The following PTPRC variants were observed in gnomAD, a reference collection of about 807,000 sequenced individuals.
PTPRC encodes the protein protein tyrosine phosphatase receptor type C.
In PTPRC, 44 loss-of-function variants were observed where a neutral mutation model predicts 155.9. The ratio of observed to expected loss-of-function variants is 0.28; its 90% confidence interval spans 0.22 to 0.36. PTPRC has a LOEUF of 0.36. Among genes scored for constraint, PTPRC ranks in the 10% least tolerant of loss-of-function variants. The pLI is 1.00. For missense variants in PTPRC, 1,401 were observed against 1,564.6 expected (o/e 0.90, Z 1.76); for synonymous variants, 525 against 533.1 (o/e 0.98, Z 0.21).
chr1:198,661,123 G>A (rs1663937402), intron 2 of PTPRC, among the ~76,000 whole-genome samples: 1 of 151,986 alleles, frequency 6.6e-6, no homozygotes, highest in South Asian at 2.1e-4. Context: ...GAAATTTGTG[G>A]TTTCAAAATC....
intron 2 of PTPRC, among the ~76,000 whole-genome samples, chr1:198,664,977 A>T (rs997667062): frequency 1.2e-4 from 18 of 152,102 alleles, no homozygotes; most frequent in African/African-American, 4.1e-4. Flanking sequence ...CGGGACTACC[A>T]TGAAAAATCC....
At chr1:198,658,367 G>A (rs540852094) in intron 2 of PTPRC, among the ~76,000 whole-genome samples, 2 of 152,204 alleles carry the variant, frequency 1.3e-5, no homozygotes, top group African/African-American at 4.8e-5. Flanking sequence ...AAAATATTGA[G>A]CCTGAGTATT....
chr1:198,671,224 A>G (rs1028860563), intron 2 of PTPRC, among the ~76,000 whole-genome samples: 3 of 152,018 alleles, frequency 2.0e-5, no homozygotes, highest in African/African-American at 7.2e-5. Context: ...AACAACTTCC[A>G]TGCATACACC....
At chr1:198,680,986 C>A (rs148647329) in intron 2 of PTPRC, among the ~76,000 whole-genome samples, 67 of 152,146 alleles carry the variant, frequency 4.4e-4, no homozygotes, top group African/African-American at 1.6e-3. Flanking sequence ...CTTTATAAAA[C>A]AAGAATAATA....
intron 2 of PTPRC, among the ~76,000 whole-genome samples, chr1:198,661,395 G>T (rs1007835696): frequency 1.3e-5 from 2 of 150,776 alleles, no homozygotes; most frequent in African/African-American, 2.4e-5. Flanking sequence ...ATAAAACAAA[G>T]ATTTAATAGG....
chr1:198,751,637 G>A (rs974771630), intron 29 of PTPRC, among the ~76,000 whole-genome samples: 5 of 152,036 alleles, frequency 3.3e-5, no homozygotes, highest in East Asian at 1.9e-4. Context: ...TGGAAGTACC[G>A]GCAGGACTCC....
intron 5 of PTPRC, 76 bp downstream of exon 5, chr1:198,699,780 A>T (rs1422168659): frequency 4.4e-6 from 7 of 1,574,628 alleles, no homozygotes; most frequent in Non-Finnish European, 6.1e-6. Flanking sequence ...GGTGTGAGGA[A>T]ATCTAACCAC....
intron 2 of PTPRC, among the ~76,000 whole-genome samples, chr1:198,646,750 C>T (rs1029285835): frequency 1.3e-5 from 2 of 151,846 alleles, no homozygotes; most frequent in African/African-American, 4.8e-5. Context: ...AATTCTCATT[C>T]ATTTGTATGG....
At chr1:198,746,786 GC>G (rs1655153814) in intron 26 of PTPRC, among the ~76,000 whole-genome samples, 1 of 151,792 alleles carries the variant, frequency 6.6e-6, no homozygotes, top group South Asian at 2.1e-4. Context: ...GGCATAGGCT[GC>G]CTCGGTGACT....
At position 198,731,955 on chromosome 1, in the gene PTPRC, T is replaced by C. The variant is rs538916508; in HGVS notation, c.1974+229T>C. On this transcript the variant is annotated intron_variant, in intron 18 of 32. Coordinates refer to ENST00000442510, the MANE Select transcript of PTPRC (RefSeq NM_002838.5). ...TTTAATGTAGTGCTTTATTGTATTATGAAGTTGTGTCACAAAATGTATTTG... is the reference window on the plus strand; with the variant it reads ...TTTAATGTAGTGCTTTATTGTATTACGAAGTTGTGTCACAAAATGTATTTG... Among the ~76,000 whole-genome samples, 8 of 152,092 alleles carry C rather than the reference T, an allele frequency of 5.3e-5. No individual in the cohort carries two copies. In the East Asian group the frequency reaches 7.7e-4, roughly 15 times the overall value.
At position 198,703,337 on chromosome 1, in the gene PTPRC, C is replaced by G. The variant is rs1666555337; in HGVS notation, c.623C>G (p.Pro208Arg). The G allele has an allele frequency of 6.2e-7, 1 of 1,613,108 alleles. No individual in the cohort carries two copies. The highest frequency in any genetic ancestry group is 1.3e-5 in the African/African-American group (1 of 74,872). The change falls in exon 7 of 33, where the codon CCT (proline) becomes CGT (arginine). Residue 208 changes from proline to arginine, a missense_variant. By Grantham distance (103) the Pro-to-Arg change is moderately radical (BLOSUM62 -2). Coordinates refer to ENST00000442510, the MANE Select transcript of PTPRC (RefSeq NM_002838.5). ...GCCTCTGAAACAACCACTCTGAGCC[C>G]TTCTGGAAGCGCTGTCATTTCAACC... ...LNASETTTLS[P>R]SGSAVISTTT...
intron 2 of PTPRC, among the ~76,000 whole-genome samples, chr1:198,649,357 G>A (rs1663115175): frequency 6.6e-6 from 1 of 151,874 alleles, no homozygotes; most frequent in East Asian, 1.9e-4. Context: ...GTATGATAAA[G>A]GTATGTAATG....
intron 2 of PTPRC, among the ~76,000 whole-genome samples, chr1:198,654,632 T>G (rs1663445601): frequency 6.6e-6 from 1 of 151,800 alleles, no homozygotes; most frequent in African/African-American, 2.4e-5. Flanking sequence ...CCCTTAAATA[T>G]ATTTCCAATG....
intron 11 of PTPRC, among the ~76,000 whole-genome samples, chr1:198,712,507 T>A (rs1653363929): frequency 6.6e-6 from 1 of 152,212 alleles, no homozygotes; most frequent in Non-Finnish European, 1.5e-5. Context: ...TTCAGACATT[T>A]TATTTAAACA....
intron 8 of PTPRC, among the ~76,000 whole-genome samples, chr1:198,705,945 C>T (rs1652935838): frequency 6.6e-6 from 1 of 152,162 alleles, no homozygotes; most frequent in South Asian, 2.1e-4. Flanking sequence ...CACATTATTT[C>T]CTGCATAATC....
chr1:198,736,196 A>G (rs1013259410), intron 23 of PTPRC, among the ~76,000 whole-genome samples: 1 of 151,604 alleles, frequency 6.6e-6, no homozygotes, highest in Non-Finnish European at 1.5e-5. Flanking sequence ...CAAACAACCC[A>G]GTTATACTCT....
At chr1:198,694,265 C>A in intron 3 of PTPRC, 1 of 1,037,600 alleles carries the variant, frequency 9.6e-7, no homozygotes, top group East Asian at 3.7e-5. Context: ...CCTTCTTGTG[C>A]CTGCTTTTTC....
At chr1:198,736,379 A>G (rs1248040934) in intron 23 of PTPRC, among the ~76,000 whole-genome samples, 2 of 151,650 alleles carry the variant, frequency 1.3e-5, no homozygotes, top group African/African-American at 2.4e-5. Flanking sequence ...TCTACTCTGT[A>G]TATCCAAGAG....
chr1:198,733,749 G>A (rs994499040), intron 20 of PTPRC, among the ~76,000 whole-genome samples: 1 of 151,758 alleles, frequency 6.6e-6, no homozygotes, highest in Non-Finnish European at 1.5e-5. Context: ...GTTAAGAGGT[G>A]AAAATGCGGG....
Sources: allele counts gnomAD v4.1 joint callset (sites outside exome capture counted in the v4.1 genomes callset), GRCh38; gene constraint gnomAD v4.1.1; transcripts MANE v1.5; gene names NCBI Gene and HGNC (gene_info 2026-07-23, HGNC 2026-07-21).